The following OSTN variants were observed in gnomAD, a reference collection of about 807,000 sequenced individuals.
OSTN encodes the protein osteocrin.
A neutral mutation model predicts 12.0 loss-of-function variants in OSTN; 9 were observed. The ratio of observed to expected loss-of-function variants is 0.75; its 90% confidence interval spans 0.45 to 1.30. The LOEUF (loss-of-function observed/expected upper bound fraction) is 1.30, where lower values mean the gene tolerates loss of function less well. Ranked by LOEUF, OSTN falls within the 50% of genes most tolerant of loss-of-function variation. The pLI is 0.00. For synonymous variants in OSTN, 59 were observed against 56.9 expected, an observed-to-expected ratio of 1.04 and a Z score of -0.16; for missense variants, 148 against 152.3, an observed-to-expected ratio of 0.97 and a Z score of 0.15.
chr3:191,246,067 C>CAAA (rs149962240), intron 3 of OSTN, among the ~76,000 whole-genome samples: 56 of 60,318 alleles, frequency 9.3e-4, no homozygotes, highest in African/African-American at 2.4e-3. Context: ...AACTCTGTCT[C>CAAA]AAAAAAAAAA....
chr3:191,243,419 T>C (rs902345034), intron 3 of OSTN, among the ~76,000 whole-genome samples: 4 of 152,218 alleles, frequency 2.6e-5, no homozygotes, highest in Admixed American at 2.6e-4. Flanking sequence ...AAACAAATGG[T>C]TGTGTATTCA....
intron 3 of OSTN, among the ~76,000 whole-genome samples, chr3:191,219,590 G>T (rs762970239): frequency 5.9e-5 from 9 of 152,150 alleles, no homozygotes; most frequent in Non-Finnish European, 1.2e-4. Context: ...TTAGAGTAGT[G>T]AAATATCCCT....
chr3:191,238,526 T>A (rs1715251957), intron 3 of OSTN, among the ~76,000 whole-genome samples: 1 of 151,754 alleles, frequency 6.6e-6, no homozygotes, highest in Non-Finnish European at 1.5e-5. Context: ...AAAGAGGGAG[T>A]AGAGGAAACG....
intron 4 of OSTN, among the ~76,000 whole-genome samples, chr3:191,254,399 G>A (rs1014020992): frequency 6.6e-6 from 1 of 152,214 alleles, no homozygotes; most frequent in Non-Finnish European, 1.5e-5. Flanking sequence ...TTACATATAA[G>A]TGGCTGTTAT....
At chr3:191,208,653 T>C (rs1714342382) in intron 1 of OSTN, among the ~76,000 whole-genome samples, 1 of 152,212 alleles carries the variant, frequency 6.6e-6, no homozygotes, top group East Asian at 1.9e-4. Flanking sequence ...TAAACACTCA[T>C]CATCCTGTAC....
In OSTN at chr3:191,265,278, A is replaced by G. The variant is rs1715897625; in HGVS notation, c.*2425A>G. The G allele has an allele frequency of 6.6e-6, 1 of 152,160 alleles. No homozygotes were observed. Among genetic ancestry groups the G allele is most frequent in the Non-Finnish European group, 1.5e-5 (1 of 67,998 alleles). The allele number at this position is 152,160 out of a possible 1,614,324, so 9.4% of individuals were successfully genotyped here. A position where few individuals can be genotyped will look rare whatever the true frequency, so the allele number is the denominator to read the frequency against. ...ATTACTTTTTTCTCTTTGCTTCTGT[A>G]TGAACCTTTATAGAGCAAATGAATA... On this transcript the variant is annotated 3_prime_UTR_variant, in exon 5 of 5. Coordinates refer to ENST00000682035, the MANE Select transcript of OSTN (RefSeq NM_198184.2).
chr3:191,223,033 A>C (rs925304123), intron 3 of OSTN, among the ~76,000 whole-genome samples: 1 of 152,194 alleles, frequency 6.6e-6, no homozygotes, highest in Non-Finnish European at 1.5e-5. Context: ...AAATTAAATT[A>C]AAATTCTTTC....
At chr3:191,255,867 C>T (rs1226265708) in intron 4 of OSTN, among the ~76,000 whole-genome samples, 1 of 152,012 alleles carries the variant, frequency 6.6e-6, no homozygotes, top group Non-Finnish European at 1.5e-5. Context: ...ATGAATGCAT[C>T]AGCTTTTTAA....
At position 191,250,099 on chromosome 3, in the gene OSTN, G is replaced by A. The variant is rs145008751; in HGVS notation, c.380G>A (p.Arg127Gln). The part of the protein sequence containing the change: ...GIPMDRIGRN[R>Q]LSNSRG ...CCCATGGATCGGATTGGTAGAAACC[G>A]GCTTTCAAATTCCAGAGGCTAATTG... The change falls in exon 4 of 5, where the codon CGG becomes CAG. Residue 127 changes from arginine (R) to glutamine (Q), a missense_variant. Transcript: ENST00000682035. The A allele has an allele frequency of 6.5e-4, 1,043 of 1,613,210 alleles. 7 individuals carry two copies. The African/African-American group carries it at 0.012, about 19-fold the overall frequency.
intron 4 of OSTN, among the ~76,000 whole-genome samples, chr3:191,258,501 G>A (rs1434114919): frequency 6.8e-6 from 1 of 146,476 alleles, no homozygotes; most frequent in Non-Finnish European, 1.5e-5. Context: ...GGGCGTAGGA[G>A]GCAAGGGGAG....
At chr3:191,214,960 C>T (rs1418067415) in intron 2 of OSTN, among the ~76,000 whole-genome samples, 5 of 152,072 alleles carry the variant, frequency 3.3e-5, no homozygotes, top group African/African-American at 4.8e-5. Flanking sequence ...TGCAGTGAGC[C>T]GAGATCAAAT....
chr3:191,214,600 CAGGCTACA>C (rs1449113687), intron 2 of OSTN, among the ~76,000 whole-genome samples: 8 of 150,952 alleles, frequency 5.3e-5, no homozygotes, highest in Admixed American at 3.9e-4. Flanking sequence ...GTTTGTACAC[CAGGCTACA>C]AGTATTTTAA....
intron 4 of OSTN, among the ~76,000 whole-genome samples, chr3:191,255,073 G>A (rs78116400): frequency 6.6e-6 from 1 of 152,198 alleles, no homozygotes; most frequent in Admixed American, 6.5e-5. Context: ...CCAGGGGGCA[G>A]GGGAGGAAAT....
In OSTN at chr3:191,246,614, AAAAG is replaced by A. The variant is rs576572980; in HGVS notation, c.318-3403_318-3400del. Reference sequence around the variant, plus strand: ...AGCTAGACCCTGTATCAAAAAAAAAAAAAGAAAGAAAGAAAGAAAGAAAAGAAGA... The same window carrying A: ...AGCTAGACCCTGTATCAAAAAAAAAAAAAGAAAGAAAGAAAGAAAAGAAGA... On this transcript the variant is annotated intron_variant, in intron 3 of 4. Coordinates refer to ENST00000682035, the MANE Select transcript of OSTN (RefSeq NM_198184.2). 2.0e-3 allele frequency among the ~76,000 whole-genome samples: 308 copies of A among 151,420 alleles called. 1 individual carries two copies. The highest frequency in any genetic ancestry group is 5.2e-3 in the African/African-American group (215 of 41,352).
chr3:191,240,472 C>T (rs1164157644), intron 3 of OSTN, among the ~76,000 whole-genome samples: 1 of 152,214 alleles, frequency 6.6e-6, no homozygotes, highest in Non-Finnish European at 1.5e-5. Context: ...TCTCTTCTCT[C>T]ACGGAATCTC....
rs367831486 is a variant in OSTN at position 191,257,291 on chromosome 3, AT to A, written c.*13-5569del. ...CTCTACTTCCTTACACACTTTGCAT[AT>A]TTTTTCTCTTATATCTAGTAGTTTT... is the stretch of plus-strand genomic sequence containing the variant. On this transcript the variant is annotated intron_variant, in intron 4 of 4. Coordinates refer to ENST00000682035, the MANE Select transcript of OSTN (RefSeq NM_198184.2). 3.6e-4 allele frequency among the ~76,000 whole-genome samples: 55 copies of A among 150,828 alleles called. No individual in the cohort carries two copies. In the East Asian group the frequency reaches 7.6e-3, roughly 21 times the overall value.
At chr3:191,214,108 A>G (rs1486705443) in intron 2 of OSTN, among the ~76,000 whole-genome samples, 1 of 152,168 alleles carries the variant, frequency 6.6e-6, no homozygotes, top group African/African-American at 2.4e-5. Flanking sequence ...CTAACTTTAT[A>G]ACAGTATTAT....
intron 3 of OSTN, among the ~76,000 whole-genome samples, chr3:191,246,067 CAAAAAAAAAAA>C (rs149962240): frequency 9.9e-5 from 6 of 60,360 alleles, no homozygotes; most frequent in African/African-American, 2.6e-4. Context: ...AACTCTGTCT[CAAAAAAAAAAA>C]AAAAAAAAAA....
chr3:191,208,501 T>A (rs1714337588), intron 1 of OSTN, among the ~76,000 whole-genome samples: 1 of 152,250 alleles, frequency 6.6e-6, no homozygotes, highest in Non-Finnish European at 1.5e-5. Context: ...ATTAAATGTG[T>A]GTATTTAAAC....
Sources: gnomAD v4.1 joint callset for allele counts (sites outside exome capture counted in the v4.1 genomes callset) on GRCh38, gnomAD v4.1.1 for gene constraint, MANE v1.5 for transcripts, NCBI Gene and HGNC (gene_info 2026-07-23, HGNC 2026-07-21) for gene names.